The following TMEM120B variants were observed in gnomAD, a reference collection of about 807,000 sequenced individuals.
TMEM120B encodes the protein transmembrane protein 120B.
TMEM120B carries 31 observed loss-of-function variants against 55.5 expected under a neutral mutation model. That is an observed-to-expected ratio of 0.56 (90% confidence interval 0.42 to 0.75). TMEM120B has a LOEUF of 0.75. Among genes scored for constraint, TMEM120B ranks in the 30% least tolerant of loss-of-function variants. The probability of loss-of-function intolerance (pLI) is 0.00; values close to 1 mark genes in which losing one functional copy is unlikely to be tolerated. For missense variants in TMEM120B, 399 were observed against 425.5 expected (o/e 0.94, Z 0.55); for synonymous variants, 203 against 176.3 (o/e 1.15, Z -1.20).
chr12:121,712,887 C>A lies in TMEM120B; in HGVS notation c.-9C>A, dbSNP rs756764575. On this transcript the variant is annotated 5_prime_UTR_variant, in exon 1 of 12. Transcript: ENST00000449592. ...AGCCGCCGGCACCGCCGCCTTGCAC[C>A]ATCGCATCATGTCCGGGCAGCTGGA... 1.6e-5 allele frequency: 25 copies of A among 1,519,492 alleles called. No individual in the cohort carries two copies. The highest frequency in any genetic ancestry group is 9.7e-5 in the Admixed American group (4 of 41,366). 94.1% of individuals were successfully genotyped at this position (1,519,492 alleles called of 1,614,324 possible).
At chr12:121,771,223 G>A (rs1370583260) in intron 7 of TMEM120B, among the ~76,000 whole-genome samples, 1 of 152,184 alleles carries the variant, frequency 6.6e-6, no homozygotes, top group Non-Finnish European at 1.5e-5. Context: ...GAGGGAGCGA[G>A]TGAGGCTGGG....
chr12:121,757,562 G>A (rs1482205057), intron 5 of TMEM120B, among the ~76,000 whole-genome samples: 4 of 150,916 alleles, frequency 2.7e-5, no homozygotes, highest in African/African-American at 9.8e-5. Context: ...TGTCGCCCAG[G>A]CTGGAGTGCA....
chr12:121,727,777 G>A (rs1200759903), intron 1 of TMEM120B, among the ~76,000 whole-genome samples: 1 of 150,568 alleles, frequency 6.6e-6, no homozygotes, highest in Non-Finnish European at 1.5e-5. Flanking sequence ...GGGAGGCTGA[G>A]GCAGGAGAAT....
intron 6 of TMEM120B, among the ~76,000 whole-genome samples, chr12:121,770,065 G>A (rs1284699700): frequency 6.6e-6 from 1 of 152,194 alleles, no homozygotes; most frequent in Non-Finnish European, 1.5e-5. Context: ...AGAGAGAGCA[G>A]CAAGTCCAAA....
chr12:121,732,427 T>C (rs925016634), intron 1 of TMEM120B, among the ~76,000 whole-genome samples: 1 of 152,010 alleles, frequency 6.6e-6, no homozygotes, highest in African/African-American at 2.4e-5. Flanking sequence ...CTGAAATGAC[T>C]CTGGCCAATG....
At chr12:121,736,333 T>TC (rs1895113061) in intron 1 of TMEM120B, among the ~76,000 whole-genome samples, 1 of 149,958 alleles carries the variant, frequency 6.7e-6, no homozygotes, top group South Asian at 2.1e-4. Flanking sequence ...TGGTGTTTTT[T>TC]TTTTTTTTGT....
intron 5 of TMEM120B, among the ~76,000 whole-genome samples, chr12:121,755,648 CAGT>C: frequency 6.6e-6 from 1 of 151,912 alleles, no homozygotes; most frequent in East Asian, 1.9e-4. Flanking sequence ...ATTTTAGTGC[CAGT>C]AGTTTATTTA....
rs1017210824 is a variant in TMEM120B, at chr12:121,781,522, G to A, written c.*5800G>A. 11 of 298,324 alleles carry A rather than the reference G, an allele frequency of 3.7e-5. No homozygotes were observed. Among genetic ancestry groups the A allele is most frequent in the Admixed American group, 2.4e-4 (5 of 20,938 alleles). 18.5% of individuals were successfully genotyped at this position (298,324 alleles called of 1,614,324 possible). A position where few individuals can be genotyped will look rare whatever the true frequency, so the allele number is the denominator to read the frequency against. On this transcript the variant is annotated 3_prime_UTR_variant, in exon 12 of 12. Transcript: ENST00000449592. ...CCCCCCAGTCCTGGATGGTGGTAAAGAATCCTCAAGATCAAACCCACGCAG... is the reference window on the plus strand; with the variant it reads ...CCCCCCAGTCCTGGATGGTGGTAAAAAATCCTCAAGATCAAACCCACGCAG...
intron 1 of TMEM120B, among the ~76,000 whole-genome samples, 177 bp downstream of exon 1, chr12:121,713,141 T>C (rs981521814): frequency 6.6e-6 from 1 of 151,048 alleles, no homozygotes; most frequent in African/African-American, 2.4e-5. Context: ...GCGCTTCAGC[T>C]CTTCGTCCAC....
chr12:121,773,109 CT>C (rs1435957731), intron 8 of TMEM120B, among the ~76,000 whole-genome samples: 2 of 152,212 alleles, frequency 1.3e-5, no homozygotes, highest in Non-Finnish European at 2.9e-5. Context: ...ACTGGCATAG[CT>C]TGCATTCCAG....
At chr12:121,748,263 A>T (rs1873161806) in intron 2 of TMEM120B, 63 bp from the exon 3 acceptor site, 1 of 1,293,170 alleles carries the variant, frequency 7.7e-7, no homozygotes, top group Non-Finnish European at 1.1e-6. Context: ...GGGCCCGGGG[A>T]GTCCATAGCC....
intron 1 of TMEM120B, among the ~76,000 whole-genome samples, chr12:121,728,628 C>A (rs1251852784): frequency 6.6e-6 from 1 of 152,158 alleles, no homozygotes; most frequent in African/African-American, 2.4e-5. Context: ...CCGACACTCA[C>A]TTCTGAAATG....
intron 1 of TMEM120B, among the ~76,000 whole-genome samples, chr12:121,722,187 C>T (rs376262802): frequency 7.3e-5 from 11 of 151,456 alleles, no homozygotes; most frequent in Admixed American, 5.3e-4. Context: ...CAACCTCTGC[C>T]TCCCGGGTTC....
rs1303264553 is a variant in TMEM120B, at chr12:121,761,708, G to A, written c.521G>A (p.Arg174Gln). 2 of 1,613,944 alleles carry A rather than the reference G, an allele frequency of 1.2e-6. No homozygotes were observed. The highest frequency in any genetic ancestry group is 1.1e-5 in the South Asian group (1 of 91,076). The change falls in exon 6 of 12, where the codon CGG becomes CAG. Residue 174 changes from arginine to glutamine, a missense_variant. Coordinates refer to ENST00000449592, the MANE Select transcript of TMEM120B (RefSeq NM_001080825.2). Reference sequence around the variant, plus strand: ...TGGTATTACTGCACCCTGACCATTCGGGAGAGCATTCTCATCAGCAACGGC... The same window carrying A: ...TGGTATTACTGCACCCTGACCATTCAGGAGAGCATTCTCATCAGCAACGGC... Reference protein sequence around the residue: ...LVWYYCTLTIRESILISNGSR... With the variant: ...LVWYYCTLTIQESILISNGSR...
chr12:121,767,526 T>TA, intron 6 of TMEM120B, among the ~76,000 whole-genome samples: 1 of 152,332 alleles, frequency 6.6e-6, no homozygotes, highest in East Asian at 1.9e-4. Context: ...GGTGTAGGTT[T>TA]CTTTCTGCAA....
At chr12:121,746,092 T>C (rs569880155) in intron 2 of TMEM120B, among the ~76,000 whole-genome samples, 23 of 152,050 alleles carry the variant, frequency 1.5e-4, no homozygotes, top group African/African-American at 5.3e-4. Flanking sequence ...AACTCCTGAC[T>C]TCAGGTGATC....
intron 9 of TMEM120B, among the ~76,000 whole-genome samples, chr12:121,773,820 A>G (rs964833919): frequency 2.0e-5 from 3 of 151,664 alleles, no homozygotes; most frequent in Non-Finnish European, 2.9e-5. Flanking sequence ...ACCAACACGT[A>G]TAAGTATATA....
intron 5 of TMEM120B, among the ~76,000 whole-genome samples, chr12:121,753,896 G>A (rs755313329): frequency 6.6e-6 from 1 of 152,072 alleles, no homozygotes; most frequent in Admixed American, 6.6e-5. Context: ...TGGCTGGCAC[G>A]TGGAGGCGCT....
intron 5 of TMEM120B, among the ~76,000 whole-genome samples, chr12:121,761,039 C>T (rs1344789719): frequency 6.6e-6 from 1 of 152,012 alleles, no homozygotes; most frequent in Non-Finnish European, 1.5e-5. Flanking sequence ...AGTGCAATGG[C>T]ACGATCTCAG....
Sources: allele counts gnomAD v4.1 joint callset (sites outside exome capture counted in the v4.1 genomes callset), GRCh38; gene constraint gnomAD v4.1.1; transcripts MANE v1.5; gene names NCBI Gene and HGNC (gene_info 2026-07-23, HGNC 2026-07-21).